Variants in PDE10A observed in about 807,000 individuals in gnomAD.
PDE10A encodes cAMP and cAMP-inhibited cGMP 3',5'-cyclic phosphodiesterase 10A.
Under a neutral mutation model 97.7 loss-of-function variants are expected in PDE10A, and 39 were observed. The observed-to-expected ratio is 0.40, with a 90% confidence interval of 0.31 to 0.52. The LOEUF (loss-of-function observed/expected upper bound fraction) is 0.52, where lower values mean the gene tolerates loss of function less well. Among genes scored for constraint, PDE10A ranks in the 20% least tolerant of loss-of-function variants. The pLI is 0.56. For missense variants in PDE10A, 731 were observed against 1,047.8 expected, an observed-to-expected ratio of 0.70 and a Z score of 4.17; for synonymous variants, 371 against 376.8, an observed-to-expected ratio of 0.98 and a Z score of 0.18.
chr6:165,502,876 G>C, intron 2 of PDE10A, among the ~76,000 whole-genome samples: 1 of 152,138 alleles, frequency 6.6e-6, no homozygotes, highest in Non-Finnish European at 1.5e-5. Flanking sequence ...CCTGCAGAGA[G>C]GTATATAGGG....
At chr6:165,691,103 CT>C (rs1791266297) in intron 1 of PDE10A, among the ~76,000 whole-genome samples, 4 of 41,696 alleles carry the variant, frequency 9.6e-5, no homozygotes, top group Non-Finnish European at 1.2e-4. Flanking sequence ...CTCTCTTTCT[CT>C]CTCCCCCCCC....
At chr6:165,372,332 T>C (rs1027659765) in intron 18 of PDE10A, among the ~76,000 whole-genome samples, 10 of 150,070 alleles carry the variant, frequency 6.7e-5, no homozygotes, top group African/African-American at 1.5e-4. Flanking sequence ...GAAAACCCCA[T>C]TGTCTCAGCC....
intron 3 of PDE10A, among the ~76,000 whole-genome samples, chr6:165,456,141 T>G (rs1777942192): frequency 1.3e-5 from 2 of 152,208 alleles, no homozygotes; most frequent in South Asian, 2.1e-4. Flanking sequence ...ATTCCACTTA[T>G]TCCAACCACT....
chr6:165,619,144 C>G (rs924928628), intron 1 of PDE10A, among the ~76,000 whole-genome samples: 10 of 98,996 alleles, frequency 1.0e-4, no homozygotes, highest in African/African-American at 2.0e-4. Flanking sequence ...GTAGTGTAGT[C>G]TAGTGTCGTG....
intron 1 of PDE10A, among the ~76,000 whole-genome samples, chr6:165,804,800 G>A (rs1185637543): frequency 5.9e-5 from 9 of 151,996 alleles, no homozygotes; most frequent in African/African-American, 1.7e-4. Context: ...CCGGGGCCGG[G>A]CCGCGGGCGG....
chr6:165,662,130 C>G lies in PDE10A; in HGVS notation c.682G>C (p.Ala228Pro). Residue 228 changes from alanine (A) to proline (P), a missense_variant, in exon 1 of 22, where the codon GCG becomes CCG. By Grantham distance (27) the Ala-to-Pro change is conservative. Around this residue, in one of 8 missense-constraint regions of PDE10A, gnomAD observed 181 missense variants for 159.1 expected, o/e 1.14. Transcript: ENST00000539869. ...GCGCCGGGGAAGCCGGGGGAGCCCG[C>G]GCGGCGGGCGGCCTGGCCAAGGGGG... ...RLPLGQAARR[A>P]GSPGFPGAGP... is the part of the protein sequence containing the mutation. The G allele has an allele frequency of 1.1e-6, 1 of 873,516 alleles. No homozygotes were observed. Among genetic ancestry groups the G allele is most frequent in the Non-Finnish European group, 1.4e-6 (1 of 724,416 alleles). 54.1% of individuals were successfully genotyped at this position (873,516 alleles called of 1,614,324 possible).
Position 165,693,942 on chromosome 6 carries a change from G to A in PDE10A, c.-614-150374C>T, listed in dbSNP as rs138011012. Among the ~76,000 whole-genome samples the A allele has an allele frequency of 4.2e-3, 634 of 152,190 alleles. 3 individuals carry two copies. The highest frequency in any genetic ancestry group is 0.015 in the African/African-American group (603 of 41,524). On this transcript the variant is annotated intron_variant, in intron 1 of 19. Coordinates refer to the PDE10A transcript ENST00000366882. ...TTTTTCCAGTTAATATGCAATGATA[G>A]GAAATCAACTTATTTTCTTTTTATA...
intron 15 of PDE10A, among the ~76,000 whole-genome samples, chr6:165,393,153 A>G (rs1007342983): frequency 6.6e-6 from 1 of 152,204 alleles, no homozygotes; most frequent in Admixed American, 6.5e-5. Flanking sequence ...AGACAACAAC[A>G]CAGCACCATC....
intron 12 of PDE10A, among the ~76,000 whole-genome samples, chr6:165,414,469 T>C (rs1473748079): frequency 6.6e-6 from 1 of 152,242 alleles, no homozygotes; most frequent in African/African-American, 2.4e-5. Flanking sequence ...TTTTTGAGAT[T>C]CATCCATGTT....
intron 1 of PDE10A, among the ~76,000 whole-genome samples, chr6:165,974,031 A>T (rs745829611): frequency 6.6e-6 from 1 of 152,222 alleles, no homozygotes; most frequent in Non-Finnish European, 1.5e-5. Flanking sequence ...TATTAAATTC[A>T]CGTTAAATAA....
chr6:165,693,540 A>AAAC (rs1466917317), intron 1 of PDE10A, among the ~76,000 whole-genome samples: 117 of 151,356 alleles, frequency 7.7e-4, no homozygotes, highest in Non-Finnish European at 1.5e-3. Context: ...AAAAAAAAAA[A>AAAC]AAAAAAAAAA....
At chr6:165,551,691 G>A (rs933043944) in intron 1 of PDE10A, among the ~76,000 whole-genome samples, 1 of 152,138 alleles carries the variant, frequency 6.6e-6, no homozygotes, top group East Asian at 1.9e-4. Flanking sequence ...CCCGTCTGAG[G>A]TTATTACACT....
chr6:165,744,866 A>C (rs1287355521), intron 1 of PDE10A, among the ~76,000 whole-genome samples: 1 of 151,818 alleles, frequency 6.6e-6, no homozygotes, highest in Non-Finnish European at 1.5e-5. Flanking sequence ...AAAAAAAAAA[A>C]ATTCTGAGTT....
chr6:165,643,237 G>T (rs2128420965), intron 1 of PDE10A, among the ~76,000 whole-genome samples: 1 of 150,254 alleles, frequency 6.7e-6, no homozygotes, highest in East Asian at 2.0e-4. Context: ...GTGAGTGGGT[G>T]GGTGGGTGGA....
intron 1 of PDE10A, among the ~76,000 whole-genome samples, chr6:165,592,719 T>C (rs1002246746): frequency 1.3e-5 from 2 of 152,134 alleles, no homozygotes; most frequent in African/African-American, 4.8e-5. Context: ...CACTCGTCAT[T>C]AGAGAAATGC....
chr6:165,642,779 G>C (rs1789199597), intron 1 of PDE10A, among the ~76,000 whole-genome samples: 1 of 152,196 alleles, frequency 6.6e-6, no homozygotes, highest in African/African-American at 2.4e-5. Flanking sequence ...GCTCTAAAGA[G>C]CCCTTTGCAT....
chr6:165,713,667 A>G (rs1300087420), intron 1 of PDE10A, among the ~76,000 whole-genome samples: 1 of 152,184 alleles, frequency 6.6e-6, no homozygotes, highest in South Asian at 2.1e-4. Flanking sequence ...TTTCTAAAAA[A>G]TGTTCGATCC....
intron 1 of PDE10A, among the ~76,000 whole-genome samples, chr6:165,713,119 T>C (rs2128446692): frequency 6.6e-6 from 1 of 151,648 alleles, no homozygotes; most frequent in South Asian, 2.1e-4. Context: ...TCAGCGAGGC[T>C]TGAGAACTGC....
chr6:165,490,453 T>C (rs1168742163), intron 2 of PDE10A, among the ~76,000 whole-genome samples: 1 of 152,050 alleles, frequency 6.6e-6, no homozygotes, highest in African/African-American at 2.4e-5. Flanking sequence ...TAAAAGAAAC[T>C]CTAAATCTTG....
Sources: gnomAD v4.1 joint callset for allele counts (sites outside exome capture counted in the v4.1 genomes callset) on GRCh38, gnomAD v4.1.1 for gene constraint, gnomAD v4.1.1 regional missense constraint, MANE v1.5 for transcripts, NCBI Gene and HGNC (gene_info 2026-07-23, HGNC 2026-07-21) for gene names.